The following CNTNAP2 variants were observed in gnomAD, a reference collection of about 807,000 sequenced individuals.
CNTNAP2 encodes the protein contactin-associated protein-like 2.
In CNTNAP2, 98 loss-of-function variants were observed where a neutral mutation model predicts 155.2. That is an observed-to-expected ratio of 0.63 (90% confidence interval 0.54 to 0.75). The LOEUF is 0.75. CNTNAP2 is among the 30% of genes least tolerant of loss of function. The pLI, the probability that CNTNAP2 is intolerant of heterozygous loss-of-function variation, is 0.00. For missense variants in CNTNAP2, 1,727 were observed against 1,688.1 expected, an observed-to-expected ratio of 1.02 and a Z score of -0.40; for synonymous variants, 651 against 631.2, an observed-to-expected ratio of 1.03 and a Z score of -0.47.
At chr7:148,367,612 G>A (rs555366811) in intron 21 of CNTNAP2, among the ~76,000 whole-genome samples, 1 of 151,662 alleles carries the variant, frequency 6.6e-6, no homozygotes, top group Admixed American at 6.6e-5. Context: ...TACTGAAATG[G>A]GCTCATGCCA....
chr7:148,228,581 T>C (rs900233893), intron 19 of CNTNAP2, among the ~76,000 whole-genome samples: 6 of 152,028 alleles, frequency 3.9e-5, no homozygotes, highest in Non-Finnish European at 8.8e-5. Flanking sequence ...CCCAGCACTT[T>C]GGGAGGCTGA....
At chr7:148,110,836 G>A (rs1487628252) in intron 15 of CNTNAP2, among the ~76,000 whole-genome samples, 1 of 152,122 alleles carries the variant, frequency 6.6e-6, no homozygotes, top group Non-Finnish European at 1.5e-5. Context: ...CCAAAAAATG[G>A]GGGTAAAGCT....
At chr7:147,726,552 G>A (rs986229036) in intron 13 of CNTNAP2, among the ~76,000 whole-genome samples, 7 of 151,990 alleles carry the variant, frequency 4.6e-5, no homozygotes, top group African/African-American at 1.7e-4. Flanking sequence ...ATCAAGAGCT[G>A]ACCAATAACT....
At chr7:147,033,598 G>A (rs565222224) in intron 3 of CNTNAP2, among the ~76,000 whole-genome samples, 63 of 152,072 alleles carry the variant, frequency 4.1e-4, no homozygotes, top group Non-Finnish European at 7.9e-4. Flanking sequence ...CCTATGAAAT[G>A]TAGATAGATG....
intron 14 of CNTNAP2, among the ~76,000 whole-genome samples, chr7:147,929,390 A>T (rs752009454): frequency 4.6e-5 from 7 of 152,204 alleles, no homozygotes; most frequent in Non-Finnish European, 7.3e-5. Context: ...AGCTGTGTAG[A>T]TACCATCTAA....
chr7:147,715,225 CATTTTT>C (rs892484495), intron 13 of CNTNAP2, among the ~76,000 whole-genome samples: 4 of 152,016 alleles, frequency 2.6e-5, no homozygotes, highest in African/African-American at 7.2e-5. Flanking sequence ...ATAGTAAGTC[CATTTTT>C]ATTTTTATTT....
At chr7:146,936,111 C>G (rs1796908334) in intron 3 of CNTNAP2, among the ~76,000 whole-genome samples, 1 of 152,118 alleles carries the variant, frequency 6.6e-6, no homozygotes, top group Non-Finnish European at 1.5e-5. Flanking sequence ...ATGATGGTAA[C>G]TGAGAGTAGC....
intron 8 of CNTNAP2, among the ~76,000 whole-genome samples, chr7:147,177,212 G>A (rs1369433842): frequency 1.3e-5 from 2 of 151,724 alleles, no homozygotes; most frequent in East Asian, 3.9e-4. Flanking sequence ...GATATGGTTT[G>A]GCTCTGTGTC....
intron 12 of CNTNAP2, among the ~76,000 whole-genome samples, chr7:147,598,290 C>A (rs1380505553): frequency 6.6e-6 from 1 of 151,804 alleles, no homozygotes; most frequent in Non-Finnish European, 1.5e-5. Flanking sequence ...GGTTTTAAAT[C>A]CCGCATGTAT....
At chr7:146,200,104 A>G in intron 1 of CNTNAP2, among the ~76,000 whole-genome samples, 1 of 152,146 alleles carries the variant, frequency 6.6e-6, no homozygotes, top group East Asian at 1.9e-4. Context: ...TTTTTCCAAG[A>G]CTAGAGCCAT....
At chr7:147,140,925 G>A (rs1364811965) in intron 8 of CNTNAP2, among the ~76,000 whole-genome samples, 4 of 152,060 alleles carry the variant, frequency 2.6e-5, no homozygotes, top group Non-Finnish European at 5.9e-5. Context: ...AAAGGCTGGC[G>A]AGAATGAGAC....
At chr7:146,779,943 G>A (rs1802454189) in intron 2 of CNTNAP2, among the ~76,000 whole-genome samples, 1 of 152,138 alleles carries the variant, frequency 6.6e-6, no homozygotes. Context: ...AAGTTTCTAC[G>A]TGTATCTCAA....
chr7:147,922,155 C>T (rs1305226324), intron 14 of CNTNAP2, among the ~76,000 whole-genome samples: 2 of 152,076 alleles, frequency 1.3e-5, no homozygotes, highest in Admixed American at 6.6e-5. Context: ...ATGCAAATTA[C>T]AAATATCGAA....
chr7:146,283,915 G>A (rs6969634), intron 1 of CNTNAP2, among the ~76,000 whole-genome samples: 4,245 of 152,128 alleles, frequency 0.028, 214 homozygotes, highest in African/African-American at 0.097. Flanking sequence ...CTCAGAACCA[G>A]TCTTACAATA....
chr7:147,703,541 C>T (rs1796266132), intron 13 of CNTNAP2, among the ~76,000 whole-genome samples: 1 of 152,074 alleles, frequency 6.6e-6, no homozygotes, highest in South Asian at 2.1e-4. Context: ...AATACTTTTT[C>T]ACTCTGTGTA....
intron 15 of CNTNAP2, among the ~76,000 whole-genome samples, chr7:147,984,687 A>G (rs1025636697): frequency 6.6e-6 from 1 of 152,148 alleles, no homozygotes; most frequent in Non-Finnish European, 1.5e-5. Flanking sequence ...AAGAAAAGGC[A>G]TGCAAATTTT....
At chr7:146,438,676 C>T (rs188612798) in intron 1 of CNTNAP2, among the ~76,000 whole-genome samples, 1 of 151,384 alleles carries the variant, frequency 6.6e-6, no homozygotes, top group Non-Finnish European at 1.5e-5. Context: ...TTTAGTTGTT[C>T]TTTCCTGGAT....
chr7:148,101,387 GT>G (rs879891966), intron 15 of CNTNAP2, among the ~76,000 whole-genome samples: 147 of 143,036 alleles, frequency 1.0e-3, no homozygotes, highest in Non-Finnish European at 1.9e-3. Flanking sequence ...GTGTGTGTGT[GT>G]GTGTGGTGTT....
At chr7:147,330,972 C>T (rs1795555662) in intron 9 of CNTNAP2, among the ~76,000 whole-genome samples, 1 of 152,170 alleles carries the variant, frequency 6.6e-6, no homozygotes, top group African/African-American at 2.4e-5. Flanking sequence ...CTACCACTAA[C>T]TAGTGGGACT....
Sources: allele counts gnomAD v4.1 joint callset (sites outside exome capture counted in the v4.1 genomes callset), GRCh38; gene constraint gnomAD v4.1.1; transcripts MANE v1.5; gene names NCBI Gene and HGNC (gene_info 2026-07-23, HGNC 2026-07-21).